Variants in CHL1 observed in about 807,000 individuals in gnomAD.
CHL1 encodes cell adhesion molecule L1 like, also known as neural cell adhesion molecule L1-like protein.
Under a neutral mutation model 141.9 loss-of-function variants are expected in CHL1, and 96 were observed. The observed-to-expected ratio is 0.68, with a 90% CI of 0.57 to 0.80. The LOEUF is 0.80. Ranked by LOEUF, CHL1 falls within the 30% of genes least tolerant of loss-of-function variation. The pLI is 0.00. For missense variants in CHL1, 1,820 were observed against 1,457.2 expected, an observed-to-expected ratio of 1.25 and a Z score of -4.05; for synonymous variants, 613 against 502.2, an observed-to-expected ratio of 1.22 and a Z score of -2.95.
intron 19 of CHL1, chr3:385,653 C>T (rs1303258216): frequency 6.6e-6 from 1 of 151,954 alleles, no homozygotes; most frequent in African/African-American, 2.4e-5. Flanking sequence ...TATGGTGAAA[C>T]TGCATCTCTA....
chr3:392,366 C>T (rs1708294838), intron 23 of CHL1, among the ~76,000 whole-genome samples: 1 of 152,182 alleles, frequency 6.6e-6, no homozygotes, highest in African/African-American at 2.4e-5. Context: ...ATGGGTTGCT[C>T]ACTGTTTCAT....
intron 2 of CHL1, among the ~76,000 whole-genome samples, chr3:268,711 T>C (rs1234112608): frequency 2.0e-5 from 3 of 152,194 alleles, no homozygotes; most frequent in Non-Finnish European, 4.4e-5. Context: ...GAATTAACTT[T>C]GAGGCAGCTA....
At chr3:390,385 A>G (rs977969348) in intron 20 of CHL1, among the ~76,000 whole-genome samples, 3 of 152,168 alleles carry the variant, frequency 2.0e-5, no homozygotes, top group Non-Finnish European at 2.9e-5. Flanking sequence ...TTCCTGACCA[A>G]TTTTATTTAT....
chr3:319,551 T>C (rs1444385943), intron 2 of CHL1, 132 bp from the exon 3 acceptor site: 5 of 453,106 alleles, frequency 1.1e-5, no homozygotes, highest in Admixed American at 8.6e-5. Flanking sequence ...TGCGGAGTTA[T>C]GAGAGAACAG....
At chr3:395,571 G>A (rs544137486) in intron 24 of CHL1, among the ~76,000 whole-genome samples, 1 of 152,230 alleles carries the variant, frequency 6.6e-6, no homozygotes, top group Non-Finnish European at 1.5e-5. Flanking sequence ...TACACACGAA[G>A]TGAAACAGAG....
intron 1 of CHL1, among the ~76,000 whole-genome samples, chr3:231,582 T>A (rs991002386): frequency 6.8e-6 from 1 of 146,588 alleles, no homozygotes; most frequent in African/African-American, 2.5e-5. Context: ...TTCCTTTTTT[T>A]TTTTTTTTTT....
At chr3:215,232 A>G (rs551431963) in intron 1 of CHL1, among the ~76,000 whole-genome samples, 1 of 152,334 alleles carries the variant, frequency 6.6e-6, no homozygotes, top group East Asian at 1.9e-4. Context: ...GTACTCAGCC[A>G]TAATAAGAAT....
Position 400,535 on chromosome 3 carries a change from C to A in CHL1, c.3386-1091C>A, listed in dbSNP as rs1486696083. Reference sequence around the variant, plus strand: ...GAGCAACTAAGAGAATCTACTAGGTCTCTGCATGTAGTCGTAAAATGTTCC... The same window carrying A: ...GAGCAACTAAGAGAATCTACTAGGTATCTGCATGTAGTCGTAAAATGTTCC... On this transcript the variant is annotated intron_variant, in intron 26 of 27. Transcript: ENST00000256509. Among the ~76,000 whole-genome samples, 5 of 147,076 alleles carry A rather than the reference C, an allele frequency of 3.4e-5. No individual in the cohort carries two copies. The South Asian group carries it at 6.4e-4, about 19-fold the overall frequency.
At chr3:200,619 T>G (rs1698838525) in intron 1 of CHL1, among the ~76,000 whole-genome samples, 1 of 152,204 alleles carries the variant, frequency 6.6e-6, no homozygotes, top group Non-Finnish European at 1.5e-5. Flanking sequence ...ATAATATTCT[T>G]TCTGTTTGTT....
chr3:198,260 C>A (rs1204716298), intron 1 of CHL1, among the ~76,000 whole-genome samples: 1 of 152,018 alleles, frequency 6.6e-6, no homozygotes, highest in Non-Finnish European at 1.5e-5. Flanking sequence ...AGCCCCTCCT[C>A]GAAGGGCGCC....
intron 1 of CHL1, among the ~76,000 whole-genome samples, chr3:221,999 G>C (rs1013478588): frequency 6.6e-6 from 1 of 152,108 alleles, no homozygotes; most frequent in Non-Finnish European, 1.5e-5. Flanking sequence ...TCCTTACAAA[G>C]TAATTAGAAT....
chr3:213,484 G>C (rs1475463983), intron 1 of CHL1: 1 of 152,144 alleles, frequency 6.6e-6, no homozygotes, highest in African/African-American at 2.4e-5. Context: ...GCCTGAAGTT[G>C]CTTACTGTTA....
At chr3:233,113 C>T (rs1702010052) in intron 1 of CHL1, among the ~76,000 whole-genome samples, 1 of 151,918 alleles carries the variant, frequency 6.6e-6, no homozygotes, top group African/African-American at 2.4e-5. Flanking sequence ...CTTCCTGACA[C>T]ATAAATCTGA....
At chr3:359,494 G>C (rs888516360) in intron 11 of CHL1, among the ~76,000 whole-genome samples, 4 of 151,886 alleles carry the variant, frequency 2.6e-5, no homozygotes, top group Admixed American at 1.3e-4. Flanking sequence ...GTGGAGACAG[G>C]GTTTTGCCGT....
At chr3:273,646 C>T (rs995109437) in intron 2 of CHL1, among the ~76,000 whole-genome samples, 1 of 152,116 alleles carries the variant, frequency 6.6e-6, no homozygotes, top group Admixed American at 6.6e-5. Flanking sequence ...TTATCAGAAT[C>T]TTGAATTTTG....
In CHL1 at chr3:405,478, G is replaced by T; in HGVS notation, c.3459-17G>T. On this transcript the variant is annotated splice_polypyrimidine_tract_variant and intron_variant, in intron 27 of 27. Transcript: ENST00000256509. ...TATTAGATTTTGTTGAGCTATTTTT[G>T]TTTGTTTGTTTTCTAGTGACAGTGA... The T allele has an allele frequency of 6.5e-7, 1 of 1,536,644 alleles. No homozygotes were observed. The highest frequency in any genetic ancestry group is 1.1e-5 in the South Asian group (1 of 88,574).
chr3:361,757 C>G lies in CHL1; in HGVS notation c.1365C>G (p.Tyr455Ter). The G allele has an allele frequency of 6.2e-7, 1 of 1,613,672 alleles. No homozygotes were observed. Among genetic ancestry groups the G allele is most frequent in the Non-Finnish European group, 8.5e-7 (1 of 1,179,648 alleles). The change falls in exon 13 of 28, where the codon TAC (tyrosine) becomes TAG (stop). Residue 455 changes from tyrosine (Y) to a stop codon, truncating the protein, a stop_gained. Coordinates refer to ENST00000256509, the MANE Select transcript of CHL1 (RefSeq NM_006614.4). LOFTEE classifies it high-confidence loss of function. ...AAAATTACGCTACAGTGGTTGGGTA[C>G]AGTGCTTTCTTACATTGCGAGTTCT... ...DGENYATVVGYSAFLHCEFFA... is the reference protein window; with the variant it reads ...DGENYATVVG
In CHL1 at chr3:276,807, T is replaced by G. The variant is rs138616408; in HGVS notation, c.-95+32115T>G. Among the ~76,000 whole-genome samples the G allele has an allele frequency of 9.1e-3, 1,312 of 144,492 alleles. 21 individuals are homozygous for G. Among genetic ancestry groups the G allele is most frequent in the African/African-American group, 0.032 (1,238 of 38,702 alleles). The allele number at this position is 144,492 out of a possible 152,430, so 94.8% of individuals were successfully genotyped here. A position where few individuals can be genotyped will look rare whatever the true frequency, so the allele number is the denominator to read the frequency against. On this transcript the variant is annotated intron_variant, in intron 2 of 27. Coordinates refer to ENST00000256509, the MANE Select transcript of CHL1 (RefSeq NM_006614.4). Reference sequence around the variant, plus strand: ...AGGAGGCTGAGGCAGGAGAATAGCGTGAACCTGGAAGTCGGAGGTTGCAGA... The same window carrying G: ...AGGAGGCTGAGGCAGGAGAATAGCGGGAACCTGGAAGTCGGAGGTTGCAGA...
At position 377,930 on chromosome 3, in the gene CHL1, G is replaced by A. The variant is rs1487106156; in HGVS notation, c.1864G>A (p.Val622Ile). ...ALDSAADITQ[V>I]TVLDVPDPPE... ...AGACAGTGCTGCCGATATAACTCAA[G>A]TAACTGTTCTTGGTAAGTGCACTAA... Residue 622 changes from valine to isoleucine, a missense_variant, in exon 16 of 28, where the codon GTA becomes ATA. Transcript: ENST00000256509. The A allele has an allele frequency of 1.9e-6, 3 of 1,606,684 alleles. No individual in the cohort carries two copies. Among genetic ancestry groups the A allele is most frequent in the Non-Finnish European group, 2.5e-6 (3 of 1,177,832 alleles).
Sources: gnomAD v4.1 joint callset for allele counts (sites outside exome capture counted in the v4.1 genomes callset) on GRCh38, gnomAD v4.1.1 for gene constraint, MANE v1.5 for transcripts, NCBI Gene and HGNC (gene_info 2026-07-23, HGNC 2026-07-21) for gene names.